EPHA8: variants seen among roughly 807,000 people sequenced by gnomAD.
EPHA8 encodes the protein ephrin type-A receptor 8.
EPHA8 carries 58 observed loss-of-function variants against 103.6 expected under a neutral mutation model. That is an observed-to-expected ratio of 0.56 (90% confidence interval 0.45 to 0.70). The LOEUF (loss-of-function observed/expected upper bound fraction) is 0.70. Ranked by LOEUF, EPHA8 falls within the 30% of genes least tolerant of loss-of-function variation. The pLI is 0.00. For synonymous variants in EPHA8, 559 were observed against 572.5 expected, an observed-to-expected ratio of 0.98 and a Z score of 0.34; for missense variants, 1,304 against 1,395.2, an observed-to-expected ratio of 0.93 and a Z score of 1.04.
chr1:22,575,515 C>T (rs1640664221), intron 2 of EPHA8, among the ~76,000 whole-genome samples: 1 of 152,192 alleles, frequency 6.6e-6, no homozygotes, highest in Non-Finnish European at 1.5e-5. Context: ...ACATGATTTG[C>T]ACATAGCTTC....
chr1:22,569,173 C>T lies in EPHA8; in HGVS notation c.95-116C>T, dbSNP rs535777973. On this transcript the variant is annotated intron_variant, in intron 1 of 16. Transcript: ENST00000166244. This position sits in a 1 kb window ranked among gnomAD's most constrained non-coding sequence, Gnocchi z 4.5. ...GAAAGGGCATTCAGGCAGAGGGACC[C>T]GTGTGAGCTGTGTGCTGGGGGCTGA... 22 of 945,404 alleles carry T rather than the reference C, an allele frequency of 2.3e-5. No individual in the cohort carries two copies. The highest frequency in any genetic ancestry group is 9.8e-5 in the African/African-American group (6 of 61,020). 58.6% of individuals were successfully genotyped at this position (945,404 alleles called of 1,614,324 possible).
chr1:22,566,347 T>C (rs1334365907), intron 1 of EPHA8, among the ~76,000 whole-genome samples: 1 of 152,168 alleles, frequency 6.6e-6, no homozygotes, highest in East Asian at 1.9e-4. Flanking sequence ...TAAATCAATT[T>C]AAGTATTAGT....
rs776382045 is a variant in EPHA8, at chr1:22,589,312, G to T, written c.1315+106G>T. On this transcript the variant is annotated intron_variant, in intron 5 of 16. Coordinates refer to ENST00000166244, the MANE Select transcript of EPHA8 (RefSeq NM_020526.5). This position sits in a 1 kb window ranked among gnomAD's most constrained non-coding sequence, Gnocchi z 4.3. Reference sequence around the variant, plus strand: ...GCCGGGGACGTGCTGTGGGCCTTTAGGCAAGTGCCTCTCTGGCCCTGCGCT... The same window carrying T: ...GCCGGGGACGTGCTGTGGGCCTTTATGCAAGTGCCTCTCTGGCCCTGCGCT... 6.2e-7 allele frequency: 1 copy of T among 1,611,564 alleles called. No individual in the cohort carries two copies. Among genetic ancestry groups the T allele is most frequent in the Non-Finnish European group, 8.5e-7 (1 of 1,179,460 alleles).
chr1:22,586,469 C>T lies in EPHA8; in HGVS notation c.824-11C>T. The T allele has an allele frequency of 6.2e-7, 1 of 1,612,440 alleles. No individual in the cohort carries two copies. Among genetic ancestry groups the T allele is most frequent in the Non-Finnish European group, 8.5e-7 (1 of 1,179,244 alleles). On this transcript the variant is annotated splice_polypyrimidine_tract_variant and intron_variant, in intron 3 of 16. Coordinates refer to ENST00000166244, the MANE Select transcript of EPHA8 (RefSeq NM_020526.5). ...CTGCTGGCTCATGTGCAGCCGCCTTCTCCTCCACAGCCTGTGAGCTGGGCT... is the reference window on the plus strand; with the variant it reads ...CTGCTGGCTCATGTGCAGCCGCCTTTTCCTCCACAGCCTGTGAGCTGGGCT...
In EPHA8 at chr1:22,576,222, C is replaced by T; in HGVS notation, c.165C>T (p.Asp55=). ...TGTGTTCTCTCTGCCCACAGTGGGA[C>T]TCCATCAACGAGGTGGACGAGTCCT... ...GWLTYPAHGW[D]SINEVDESFQ... The change falls in exon 3 of 17, where the codon GAC becomes GAT. Residue 55 remains aspartate, a synonymous_variant. Coordinates refer to ENST00000166244, the MANE Select transcript of EPHA8 (RefSeq NM_020526.5). The surrounding 1 kb of genome is among the most constrained non-coding windows in gnomAD (Gnocchi z 4.8). 1 of 1,605,554 alleles carries T rather than the reference C, an allele frequency of 6.2e-7. No individual in the cohort carries two copies. The highest frequency in any genetic ancestry group is 2.2e-5 in the East Asian group (1 of 44,764).
Position 22,586,605 on chromosome 1 carries a change from G to A in EPHA8, c.949G>A (p.Ala317Thr), listed in dbSNP as rs1273858169. 1.9e-6 allele frequency: 3 copies of A among 1,613,852 alleles called. No individual in the cohort carries two copies. Among genetic ancestry groups the A allele is most frequent in the Non-Finnish European group, 2.5e-6 (3 of 1,179,968 alleles). ...CHCDLSYYRAALDPPSSACTR... is the reference protein window; with the variant it reads ...CHCDLSYYRATLDPPSSACTR... ...CTGTGACCTCAGCTACTACCGTGCAGCCCTGGACCCGCCGTCCTCAGCCTG... is the reference window on the plus strand; with the variant it reads ...CTGTGACCTCAGCTACTACCGTGCAACCCTGGACCCGCCGTCCTCAGCCTG... The change falls in exon 4 of 17, where the codon GCC becomes ACC. Residue 317 changes from alanine (A) to threonine (T), a missense_variant. Transcript: ENST00000166244.
At chr1:22,578,534 C>T (rs111162213) in intron 3 of EPHA8, among the ~76,000 whole-genome samples, 11,509 of 109,744 alleles carry the variant, frequency 0.1, 440 homozygotes, top group South Asian at 0.25. Context: ...TGTGCATATG[C>T]GTGCATGTGT....
chr1:22,574,668 T>G (rs985552613), intron 2 of EPHA8, among the ~76,000 whole-genome samples: 4 of 152,240 alleles, frequency 2.6e-5, no homozygotes, highest in African/African-American at 9.6e-5. Flanking sequence ...ATATGCCACA[T>G]TTTGCTTATC....
Position 22,586,655 on chromosome 1 carries a change from G to A in EPHA8, c.979+20G>A. 3 of 1,611,780 alleles carry A rather than the reference G, an allele frequency of 1.9e-6. 1 individual carries two copies. The South Asian group carries it at 3.3e-5, about 18-fold the overall frequency. Reference sequence around the variant, plus strand: ...GCACCCGTGAGTACCACTCCGAGATGCCAGTACCCTTGAGCCCAAGACTGG... The same window carrying A: ...GCACCCGTGAGTACCACTCCGAGATACCAGTACCCTTGAGCCCAAGACTGG... On this transcript the variant is annotated intron_variant, in intron 4 of 16. Transcript: ENST00000166244.
rs1640696690 is a variant in EPHA8, at chr1:22,576,394, G to C, written c.337G>C (p.Gly113Arg). 8 of 1,613,766 alleles carry C rather than the reference G, an allele frequency of 5.0e-6. No homozygotes were observed. Among genetic ancestry groups the C allele is most frequent in the Non-Finnish European group, 6.8e-6 (8 of 1,180,040 alleles). ...CCTGCGCGACTGCAACAGCATGCCT[G>C]GTGTGCTGGGCACCTGCAAGGAGAC... Reference protein sequence around the residue: ...FTLRDCNSMPGVLGTCKETFN... With the variant: ...FTLRDCNSMPRVLGTCKETFN... The change falls in exon 3 of 17, where the codon GGT becomes CGT. Residue 113 changes from glycine (G) to arginine (R), a missense_variant. Transcript: ENST00000166244. This position sits in a 1 kb window ranked among gnomAD's most constrained non-coding sequence, Gnocchi z 4.8.
intron 3 of EPHA8, among the ~76,000 whole-genome samples, chr1:22,578,390 A>G (rs1640847456): frequency 3.2e-5 from 4 of 126,962 alleles, no homozygotes; most frequent in Admixed American, 2.4e-4. Context: ...ATATGTATGC[A>G]TGTCTGCATG....
chr1:22,589,798 GC>G lies in EPHA8; in HGVS notation c.1315+593del, dbSNP rs1216187483. On this transcript the variant is annotated intron_variant, in intron 5 of 16. Transcript: ENST00000166244. The surrounding 1 kb of genome is among the most constrained non-coding windows in gnomAD (Gnocchi z 4.3). ...GGAGGACCCTGCCCGTCAAGTGACA[GC>G]GTGACCCAAGAGCCCTCCTAGGGCA... is the stretch of plus-strand genomic sequence containing the variant. 6.6e-6 allele frequency among the ~76,000 whole-genome samples: 1 copy of G among 152,216 alleles called. No individual in the cohort carries two copies. Among genetic ancestry groups the G allele is most frequent in the East Asian group, 1.9e-4 (1 of 5,176 alleles).
Position 22,571,617 on chromosome 1 carries a change from C to T in EPHA8, c.159+2264C>T, listed in dbSNP as rs75273612. 1.3e-3 allele frequency among the ~76,000 whole-genome samples: 203 copies of T among 152,256 alleles called. No individual in the cohort carries two copies. In the Middle Eastern group the frequency reaches 0.017, roughly 13 times the overall value. On this transcript the variant is annotated intron_variant, in intron 2 of 16. Transcript: ENST00000166244. ...AGGGGGCCTGGAGACTGGGGTTTCTCGGAGAGGAGAGAAGGCTGGAATGAG... is the reference window on the plus strand; with the variant it reads ...AGGGGGCCTGGAGACTGGGGTTTCTTGGAGAGGAGAGAAGGCTGGAATGAG...
In EPHA8 at chr1:22,603,584, GC is replaced by G. The variant is rs1641800310; in HGVS notation, c.*1845del. On this transcript the variant is annotated 3_prime_UTR_variant, in exon 17 of 17. Coordinates refer to ENST00000166244, the MANE Select transcript of EPHA8 (RefSeq NM_020526.5). ...CTTACCCACAATAAGAATAAATTCTGCCTCATCTTTGCCTGCGTCCCCCATT... is the reference window on the plus strand; with the variant it reads ...CTTACCCACAATAAGAATAAATTCTGCTCATCTTTGCCTGCGTCCCCCATT... 6.6e-6 allele frequency: 1 copy of G among 152,492 alleles called. No individual in the cohort carries two copies. The highest frequency in any genetic ancestry group is 1.5e-5 in the Non-Finnish European group (1 of 68,192). 9.4% of individuals were successfully genotyped at this position (152,492 alleles called of 1,614,324 possible).
chr1:22,591,009 C>T (rs141687473), intron 5 of EPHA8, among the ~76,000 whole-genome samples: 90 of 151,964 alleles, frequency 5.9e-4, no homozygotes, highest in African/African-American at 2.0e-3. Flanking sequence ...CCACCCCCCA[C>T]GAGTCCATGC....
At position 22,601,379 on chromosome 1, in the gene EPHA8, G is replaced by A. The variant is rs1289170642; in HGVS notation, c.2809G>A (p.Asp937Asn). The A allele has an allele frequency of 6.2e-7, 1 of 1,610,720 alleles. No individual in the cohort carries two copies. The highest frequency in any genetic ancestry group is 1.3e-5 in the African/African-American group (1 of 74,914). The part of the protein sequence containing the change: ...SGGGGGLTVG[D>N]WLDSIRMGRY... ...TGGCGGTGGGGGCCTCACCGTGGGG[G>A]ACTGGCTGGACTCCATCCGCATGGG... is the stretch of plus-strand genomic sequence containing the variant. The change falls in exon 16 of 17, where the codon GAC (aspartate) becomes AAC (asparagine). Residue 937 changes from aspartate (D) to asparagine (N), a missense_variant. By Grantham distance (23) the Asp-to-Asn change is conservative. Transcript: ENST00000166244.
At chr1:22,574,923 A>G (rs1640641611) in intron 2 of EPHA8, among the ~76,000 whole-genome samples, 1 of 152,160 alleles carries the variant, frequency 6.6e-6, no homozygotes, top group Non-Finnish European at 1.5e-5. Flanking sequence ...ACAGGGTTCT[A>G]ATTTCTCCAC....
chr1:22,578,697 CTG>C (rs146554873), intron 3 of EPHA8, among the ~76,000 whole-genome samples: 10,782 of 145,226 alleles, frequency 0.074, 1,285 homozygotes, highest in African/African-American at 0.25. Context: ...GTATGTGTGC[CTG>C]TGTGTGTATG....
intron 3 of EPHA8, among the ~76,000 whole-genome samples, chr1:22,583,881 T>C (rs1641115255): frequency 6.6e-6 from 1 of 152,218 alleles, no homozygotes; most frequent in Non-Finnish European, 1.5e-5. Context: ...TGGTGCTGGC[T>C]TCCCTCAGGC....
Sources: gnomAD v4.1 joint callset for allele counts (sites outside exome capture counted in the v4.1 genomes callset) on GRCh38, gnomAD v4.1.1 for gene constraint, Gnocchi (gnomAD v3.1) non-coding constraint, MANE v1.5 for transcripts, NCBI Gene and HGNC (gene_info 2026-07-23, HGNC 2026-07-21) for gene names.